The following CADM2 variants were observed in gnomAD, a reference collection of about 807,000 sequenced individuals.
CADM2 encodes cell adhesion molecule 2.
CADM2 carries 12 observed loss-of-function variants against 49.8 expected under a neutral mutation model. The observed-to-expected ratio is 0.24, with a 90% confidence interval of 0.15 to 0.39. The LOEUF is 0.39. CADM2 is among the 10% of genes least tolerant of loss of function. The pLI is 1.00. For missense variants in CADM2, 378 were observed against 492.3 expected (o/e 0.77, Z 2.20); for synonymous variants, 214 against 175.4 (o/e 1.22, Z -1.74).
intron 1 of CADM2, among the ~76,000 whole-genome samples, chr3:85,398,183 T>TGTGTGATGTTCCCCTTCCTGTGTCCAGG: frequency 6.6e-6 from 1 of 150,932 alleles, no homozygotes; most frequent in Admixed American, 6.6e-5. Flanking sequence ...CAGGCTCCAG[T>TGTGTGATGTTCCCCTTCCTGTGTCCAGG]GTGTGATGTT....
chr3:85,426,422 G>A (rs1576532564), intron 1 of CADM2, among the ~76,000 whole-genome samples: 1 of 152,186 alleles, frequency 6.6e-6, no homozygotes. Flanking sequence ...ATGAGGCACT[G>A]AGCCCAGGCT....
intron 8 of CADM2, among the ~76,000 whole-genome samples, chr3:86,003,791 G>A (rs983323609): frequency 3.3e-5 from 5 of 152,160 alleles, no homozygotes; most frequent in Admixed American, 1.3e-4. Flanking sequence ...GATCAGGTAA[G>A]TGAGTGGAAA....
chr3:85,773,198 G>T (rs555285474), intron 2 of CADM2, among the ~76,000 whole-genome samples: 7 of 152,122 alleles, frequency 4.6e-5, no homozygotes, highest in South Asian at 4.1e-4. Flanking sequence ...GTCATAGTCA[G>T]CCAGAAGAAG....
chr3:85,084,760 TTAGA>T lies in CADM2; in HGVS notation c.61+125096_61+125099del, dbSNP rs541799601. 3.1e-3 allele frequency among the ~76,000 whole-genome samples: 470 copies of T among 152,282 alleles called. 3 individuals are homozygous for T. The highest frequency in any genetic ancestry group is 0.011 in the African/African-American group (456 of 41,578). On this transcript the variant is annotated intron_variant, in intron 1 of 9. Coordinates refer to ENST00000383699, the MANE Select transcript of CADM2 (RefSeq NM_001167675.2). ...CATTTATTGCTTAAATTCTATTTTCTTAGATAGCTTTGTTTCAATGAATGGATTA... is the reference window on the plus strand; with the variant it reads ...CATTTATTGCTTAAATTCTATTTTCTTAGCTTTGTTTCAATGAATGGATTA...
intron 1 of CADM2, among the ~76,000 whole-genome samples, chr3:85,701,134 C>T (rs1428226419): frequency 6.6e-6 from 1 of 152,234 alleles, no homozygotes; most frequent in East Asian, 1.9e-4. Context: ...GGGGAGCTGC[C>T]ACTTCACATG....
chr3:86,053,828 A>C (rs1457139827), intron 8 of CADM2, among the ~76,000 whole-genome samples: 1 of 152,096 alleles, frequency 6.6e-6, no homozygotes, highest in Non-Finnish European at 1.5e-5. Context: ...TTATTTAATA[A>C]ATTTAATAAA....
chr3:85,354,320 A>G lies in CADM2; in HGVS notation c.62-372202A>G, dbSNP rs947630876. Among the ~76,000 whole-genome samples, 7 of 129,594 alleles carry G rather than the reference A, an allele frequency of 5.4e-5. No homozygotes were observed. In the East Asian group the frequency reaches 9.4e-4, roughly 17 times the overall value. 85.0% of individuals were successfully genotyped at this position (129,594 alleles called of 152,430 possible). ...TTGAACAATGAGAACACATGGACACAGGAAGGGGAACATCACACTCCGGGG... is the reference window on the plus strand; with the variant it reads ...TTGAACAATGAGAACACATGGACACGGGAAGGGGAACATCACACTCCGGGG... On this transcript the variant is annotated intron_variant, in intron 1 of 9. Transcript: ENST00000383699.
chr3:85,496,866 A>G (rs1317514099), intron 1 of CADM2, among the ~76,000 whole-genome samples: 1 of 152,088 alleles, frequency 6.6e-6, no homozygotes, highest in Non-Finnish European at 1.5e-5. Flanking sequence ...AATTTTTTAG[A>G]TGGAGTCTTG....
intron 3 of CADM2, among the ~76,000 whole-genome samples, chr3:85,823,587 A>C (rs548269840): frequency 1.3e-5 from 2 of 152,284 alleles, no homozygotes; most frequent in East Asian, 3.9e-4. Flanking sequence ...AAGTAGAGAT[A>C]ATGTCTACTT....
intron 3 of CADM2, among the ~76,000 whole-genome samples, chr3:85,837,071 A>T (rs1340599436): frequency 6.6e-6 from 1 of 151,598 alleles, no homozygotes; most frequent in Admixed American, 6.6e-5. Context: ...CAGCAGTTTT[A>T]ATAAGGGACA....
chr3:85,693,942 T>C (rs2066471699), intron 1 of CADM2, among the ~76,000 whole-genome samples: 1 of 144,362 alleles, frequency 6.9e-6, no homozygotes, highest in Non-Finnish European at 1.5e-5. Context: ...AAAAGAAAAA[T>C]CAGAAGAAAA....
chr3:86,044,084 G>A lies in CADM2; in HGVS notation c.971-21521G>A, dbSNP rs900012878. Among the ~76,000 whole-genome samples, 7 of 152,238 alleles carry A rather than the reference G, an allele frequency of 4.6e-5. 1 individual carries two copies. In the South Asian group the frequency reaches 1.4e-3, roughly 32 times the overall value. On this transcript the variant is annotated intron_variant, in intron 8 of 9. Transcript: ENST00000383699. ...TTCAAGATGGATTAAAGACTTACAT[G>A]TTAGACCTAAAACCATAAAAATCCT... is the stretch of plus-strand genomic sequence containing the variant.
chr3:85,898,847 T>C (rs1715641835), intron 5 of CADM2, among the ~76,000 whole-genome samples: 1 of 149,356 alleles, frequency 6.7e-6, no homozygotes, highest in Non-Finnish European at 1.5e-5. Context: ...ACTAGCTGGA[T>C]TATATGGTAG....
At chr3:85,932,155 T>G (rs918563085) in intron 6 of CADM2, among the ~76,000 whole-genome samples, 1 of 151,578 alleles carries the variant, frequency 6.6e-6, no homozygotes, top group Non-Finnish European at 1.5e-5. Context: ...TGAAAATTAT[T>G]TAGAAGATAA....
At chr3:85,692,555 G>A (rs1459099203) in intron 1 of CADM2, among the ~76,000 whole-genome samples, 1 of 152,136 alleles carries the variant, frequency 6.6e-6, no homozygotes, top group South Asian at 2.1e-4. Context: ...TTCAGCCCTT[G>A]AATTTTAATT....
chr3:85,615,945 T>G (rs2063790086), intron 1 of CADM2, among the ~76,000 whole-genome samples: 1 of 151,932 alleles, frequency 6.6e-6, no homozygotes, highest in African/African-American at 2.4e-5. Flanking sequence ...AATCATTGAC[T>G]CAAGAGGTTC....
chr3:85,047,480 T>A (rs942766385), intron 1 of CADM2, among the ~76,000 whole-genome samples: 4 of 152,120 alleles, frequency 2.6e-5, no homozygotes, highest in South Asian at 4.1e-4. Flanking sequence ...ATATTGTTTA[T>A]TAAAAAATAG....
At chr3:85,678,899 A>G (rs1176933348) in intron 1 of CADM2, among the ~76,000 whole-genome samples, 1 of 152,106 alleles carries the variant, frequency 6.6e-6, no homozygotes, top group African/African-American at 2.4e-5. Flanking sequence ...CATCCGTTAG[A>G]TAGATATCAG....
chr3:85,641,365 G>A (rs1299674398), intron 1 of CADM2, among the ~76,000 whole-genome samples: 3 of 152,148 alleles, frequency 2.0e-5, no homozygotes, highest in Non-Finnish European at 4.4e-5. Context: ...TAGAACTATA[G>A]TGAGAAAAAT....
Sources: allele counts gnomAD v4.1 joint callset (sites outside exome capture counted in the v4.1 genomes callset), GRCh38; gene constraint gnomAD v4.1.1; transcripts MANE v1.5; gene names NCBI Gene and HGNC (gene_info 2026-07-23, HGNC 2026-07-21).